TSPAN15: variants seen among roughly 807,000 people sequenced by gnomAD.
The protein encoded by TSPAN15 is tetraspanin-15.
In TSPAN15, 20 loss-of-function variants were observed where a neutral mutation model predicts 34.5. That is an observed-to-expected ratio of 0.58 (90% CI 0.41 to 0.84). The LOEUF (loss-of-function observed/expected upper bound fraction) is 0.84, where lower values mean the gene tolerates loss of function less well. TSPAN15 is among the 40% of genes least tolerant of loss of function. The probability of loss-of-function intolerance (pLI) is 0.00; values close to 1 mark genes in which losing one functional copy is unlikely to be tolerated. For missense variants in TSPAN15, 313 were observed against 386.1 expected, an observed-to-expected ratio of 0.81 and a Z score of 1.59; for synonymous variants, 155 against 153.9, an observed-to-expected ratio of 1.01 and a Z score of -0.05.
chr10:69,461,547 C>T (rs554546399), intron 1 of TSPAN15, among the ~76,000 whole-genome samples: 4 of 152,314 alleles, frequency 2.6e-5, no homozygotes, highest in South Asian at 4.1e-4. Context: ...TTCCCATCTC[C>T]TACCAGAGGG....
At position 69,495,709 on chromosome 10, in the gene TSPAN15, G is replaced by A. The variant is rs779428885; in HGVS notation, c.453+20G>A. 3.9e-6 allele frequency: 6 copies of A among 1,549,540 alleles called. No individual in the cohort carries two copies. In the Admixed American group the frequency reaches 1.0e-4, roughly 26 times the overall value. ...AAAAAGGTGAGCCAGGCGCTTTGGG[G>A]TAGAGATGCGCCTCCCGTGCTCTTA... On this transcript the variant is annotated intron_variant, in intron 4 of 7. Coordinates refer to ENST00000373290, the MANE Select transcript of TSPAN15 (RefSeq NM_012339.5).
In TSPAN15 at chr10:69,476,889, G is replaced by C. The variant is rs368739466; in HGVS notation, c.97-6802G>C. Among the ~76,000 whole-genome samples, 3 of 152,064 alleles carry C rather than the reference G, an allele frequency of 2.0e-5. No individual in the cohort carries two copies. In the South Asian group the frequency reaches 6.2e-4, roughly 32 times the overall value. The stretch of plus-strand genomic sequence containing the variant: ...GTCCCCAGAACTTAGAGTACCGCCT[G>C]GTGGTCCTGGAGGTGGGGCCGGTGC... On this transcript the variant is annotated intron_variant, in intron 1 of 7. Transcript: ENST00000373290.
At chr10:69,545,188 C>T in the TSPAN15 span, among the ~76,000 whole-genome samples, 1 of 152,192 alleles carries the variant, frequency 6.6e-6, no homozygotes, top group African/African-American at 2.4e-5. Context: ...CCCCTTTACC[C>T]CCGGGAGATT....
chr10:69,521,278 G>A, the TSPAN15 span, among the ~76,000 whole-genome samples: 1 of 151,356 alleles, frequency 6.6e-6, no homozygotes, highest in African/African-American at 2.4e-5. Flanking sequence ...GGGAGGCTGA[G>A]GCAGGCAGAT....
the TSPAN15 span, among the ~76,000 whole-genome samples, chr10:69,533,637 A>G: frequency 4.6e-5 from 7 of 152,176 alleles, no homozygotes; most frequent in African/African-American, 7.2e-5. Context: ...GCAACCAAAC[A>G]CCATCCATAC....
intron 1 of TSPAN15, among the ~76,000 whole-genome samples, chr10:69,461,240 A>G (rs1221593214): frequency 3.9e-5 from 6 of 152,262 alleles, no homozygotes. Flanking sequence ...TGTGAGAACC[A>G]TCATTTGCAT....
At chr10:69,489,546 T>C (rs1841925372) in intron 3 of TSPAN15, among the ~76,000 whole-genome samples, 1 of 152,272 alleles carries the variant, frequency 6.6e-6, no homozygotes, top group Non-Finnish European at 1.5e-5. Context: ...TGGCTGCAGC[T>C]GGTCCCTCCA....
intron 1 of TSPAN15, among the ~76,000 whole-genome samples, chr10:69,455,437 A>T (rs981118174): frequency 2.0e-5 from 3 of 152,218 alleles, no homozygotes; most frequent in Non-Finnish European, 4.4e-5. Flanking sequence ...TGTTGGCTAC[A>T]TAGATTCCAC....
chr10:69,477,255 C>G (rs1172829657), intron 1 of TSPAN15, among the ~76,000 whole-genome samples: 2 of 152,132 alleles, frequency 1.3e-5, no homozygotes, highest in East Asian at 1.9e-4. Context: ...CTGCCTCAGC[C>G]TCCCGAGTAG....
the TSPAN15 span, among the ~76,000 whole-genome samples, chr10:69,525,649 C>A: frequency 0.014 from 1,971 of 145,962 alleles, 174 homozygotes; most frequent in Middle Eastern, 0.024. Context: ...GGGGAAACCC[C>A]GTCTCTACTA....
At chr10:69,477,586 C>G (rs10998820) in intron 1 of TSPAN15, among the ~76,000 whole-genome samples, 2,763 of 152,314 alleles carry the variant, frequency 0.018, 50 homozygotes, top group Middle Eastern at 0.062. Flanking sequence ...TCCTCAGGCA[C>G]CAGGGCCCCG....
chr10:69,539,458 A>AAGAAGAAGG, the TSPAN15 span, among the ~76,000 whole-genome samples: 11 of 66,350 alleles, frequency 1.7e-4, 1 homozygote, highest in African/African-American at 5.8e-4. Context: ...GAAGAAGAAG[A>AAGAAGAAGG]AGAAGGAGAA....
the TSPAN15 span, among the ~76,000 whole-genome samples, chr10:69,546,562 T>C: frequency 6.6e-6 from 1 of 152,202 alleles, no homozygotes; most frequent in Non-Finnish European, 1.5e-5. Flanking sequence ...GCATCCAAGG[T>C]GGAAACTCTT....
At chr10:69,549,379 C>A in the TSPAN15 span, among the ~76,000 whole-genome samples, 3 of 152,188 alleles carry the variant, frequency 2.0e-5, no homozygotes, top group African/African-American at 7.2e-5. Context: ...TTATACACTC[C>A]TTCCCTATGG....
chr10:69,453,894 C>A (rs7090788), intron 1 of TSPAN15, among the ~76,000 whole-genome samples: 18,595 of 152,198 alleles, frequency 0.12, 1,611 homozygotes, highest in East Asian at 0.43. Context: ...GGAAGTATTT[C>A]TGTTTAAAAG....
chr10:69,506,980 G>T lies in TSPAN15; in HGVS notation c.*2G>T, dbSNP rs1342371830. 3.1e-6 allele frequency: 5 copies of T among 1,606,820 alleles called. No homozygotes were observed. The highest frequency in any genetic ancestry group is 4.2e-6 in the Non-Finnish European group (5 of 1,177,822). ...TGCTGCTTGTGCTACCCCAATTAGGGCCCAGCCTGCCATGGCAGCTCCAAC... is the reference window on the plus strand; with the variant it reads ...TGCTGCTTGTGCTACCCCAATTAGGTCCCAGCCTGCCATGGCAGCTCCAAC... On this transcript the variant is annotated 3_prime_UTR_variant, in exon 8 of 8. Coordinates refer to ENST00000373290, the MANE Select transcript of TSPAN15 (RefSeq NM_012339.5). This position sits in a 1 kb window ranked among gnomAD's most constrained non-coding sequence, Gnocchi z 4.7.
chr10:69,536,477 C>T, the TSPAN15 span, among the ~76,000 whole-genome samples: 2 of 152,114 alleles, frequency 1.3e-5, no homozygotes, highest in African/African-American at 4.8e-5. Flanking sequence ...TGGGTGTATT[C>T]GTCTGCTAGG....
the TSPAN15 span, among the ~76,000 whole-genome samples, chr10:69,515,881 AGCCTGGGCACCT>A: frequency 6.6e-6 from 1 of 152,220 alleles, no homozygotes; most frequent in Non-Finnish European, 1.5e-5. Flanking sequence ...CACTCCCTAG[AGCCTGGGCACCT>A]GCCTGGGTGG....
chr10:69,497,454 G>A (rs1302482150), intron 4 of TSPAN15, among the ~76,000 whole-genome samples: 2 of 152,154 alleles, frequency 1.3e-5, no homozygotes, highest in Non-Finnish European at 2.9e-5. Flanking sequence ...CCTTTGCATG[G>A]GTCGTCTGGC....
Sources: allele counts gnomAD v4.1 joint callset (sites outside exome capture counted in the v4.1 genomes callset), GRCh38; gene constraint gnomAD v4.1.1; non-coding constraint Gnocchi (gnomAD v3.1); transcripts MANE v1.5; gene names NCBI Gene and HGNC (gene_info 2026-07-23, HGNC 2026-07-21).